Variants in NALCN observed in about 807,000 individuals in gnomAD.
NALCN encodes the protein sodium leak channel NALCN.
NALCN carries 111 observed loss-of-function variants against 225.3 expected under a neutral mutation model. That is an observed-to-expected ratio of 0.49 (90% CI 0.42 to 0.58). The LOEUF (loss-of-function observed/expected upper bound fraction) is 0.58. Ranked by LOEUF, NALCN falls within the 20% of genes least tolerant of loss-of-function variation. The pLI, the probability that NALCN is intolerant of heterozygous loss-of-function variation, is 0.00. For synonymous variants in NALCN, 764 were observed against 769.0 expected, an observed-to-expected ratio of 0.99 and a Z score of 0.11; for missense variants, 1,378 against 2,202.4, an observed-to-expected ratio of 0.63 and a Z score of 7.49.
intron 13 of NALCN, among the ~76,000 whole-genome samples, chr13:101,213,774 C>A (rs184987984): frequency 6.6e-6 from 1 of 152,228 alleles, no homozygotes; most frequent in African/African-American, 2.4e-5. Context: ...GAATGGCGAT[C>A]ATTAAAAAGT....
intron 6 of NALCN, among the ~76,000 whole-genome samples, chr13:101,373,904 C>T (rs2139409554): frequency 6.6e-6 from 1 of 151,974 alleles, no homozygotes; most frequent in African/African-American, 2.4e-5. Flanking sequence ...GAAATAGTTC[C>T]CTCAAGACAT....
intron 13 of NALCN, among the ~76,000 whole-genome samples, chr13:101,209,878 T>C (rs2040455891): frequency 6.6e-6 from 1 of 152,224 alleles, no homozygotes; most frequent in South Asian, 2.1e-4. Context: ...GCATTCTTTA[T>C]TGCCAACTTT....
intron 10 of NALCN, among the ~76,000 whole-genome samples, chr13:101,264,851 T>G: frequency 6.6e-6 from 1 of 152,202 alleles, no homozygotes; most frequent in East Asian, 1.9e-4. Context: ...ACTAAATCTG[T>G]TTGGCTTCAT....
intron 6 of NALCN, among the ~76,000 whole-genome samples, chr13:101,376,156 T>G (rs1181734000): frequency 6.6e-6 from 1 of 152,146 alleles, no homozygotes; most frequent in Non-Finnish European, 1.5e-5. Context: ...AAAATGAGCT[T>G]TTTTTCCCGA....
At chr13:101,058,658 C>CT (rs11353820) in intron 42 of NALCN, 43,156 of 138,652 alleles carry the variant, frequency 0.31, 7,171 homozygotes, top group South Asian at 0.44. Flanking sequence ...CTTTAGTATC[C>CT]TTTTTTTTTT....
chr13:101,161,603 G>A (rs1389975772), intron 15 of NALCN, among the ~76,000 whole-genome samples: 2 of 152,352 alleles, frequency 1.3e-5, no homozygotes, highest in Non-Finnish European at 2.9e-5. Context: ...CTGGTATGGT[G>A]GCTCATGCCT....
intron 11 of NALCN, among the ~76,000 whole-genome samples, chr13:101,247,677 T>C (rs2041938672): frequency 6.6e-6 from 1 of 152,148 alleles, no homozygotes; most frequent in South Asian, 2.1e-4. Flanking sequence ...AGTTCCAGGA[T>C]ATATGTGCAG....
At chr13:101,401,923 T>G (rs566969869) in intron 1 of NALCN, among the ~76,000 whole-genome samples, 1 of 152,180 alleles carries the variant, frequency 6.6e-6, no homozygotes, top group African/African-American at 2.4e-5. Context: ...TACAAACACA[T>G]GAGGAATTCA....
chr13:101,400,813 C>T (rs2047455731), intron 1 of NALCN, among the ~76,000 whole-genome samples: 1 of 152,060 alleles, frequency 6.6e-6, no homozygotes, highest in Non-Finnish European at 1.5e-5. Context: ...CCCACAATCC[C>T]CACGTGTGGA....
intron 20 of NALCN, among the ~76,000 whole-genome samples, chr13:101,110,011 A>C (rs9557590): frequency 0.18 from 27,959 of 152,162 alleles, 2,752 homozygotes; most frequent in South Asian, 0.35. Context: ...CTATTCTAAA[A>C]TTTAAGCTCC....
At chr13:101,278,072 TC>T (rs1315075509) in intron 10 of NALCN, among the ~76,000 whole-genome samples, 1 of 152,206 alleles carries the variant, frequency 6.6e-6, no homozygotes, top group East Asian at 1.9e-4. Context: ...AATCAACAGT[TC>T]CCAGTAGTTA....
chr13:101,365,628 A>G (rs1386295842), intron 6 of NALCN, among the ~76,000 whole-genome samples: 1 of 152,186 alleles, frequency 6.6e-6, no homozygotes, highest in Non-Finnish European at 1.5e-5. Context: ...ATATTTTATA[A>G]AATACCAAGT....
intron 13 of NALCN, among the ~76,000 whole-genome samples, chr13:101,228,029 T>A (rs377166480): frequency 2.6e-5 from 4 of 152,168 alleles, no homozygotes; most frequent in African/African-American, 9.7e-5. Flanking sequence ...GCACCTGGTG[T>A]CTGCCTTCAT....
At chr13:101,350,123 C>T (rs1297147036) in intron 6 of NALCN, among the ~76,000 whole-genome samples, 1 of 152,170 alleles carries the variant, frequency 6.6e-6, no homozygotes, top group African/African-American at 2.4e-5. Flanking sequence ...CACTCTTAGC[C>T]TTTCTGATAC....
chr13:101,324,325 G>T (rs530095884), intron 7 of NALCN, among the ~76,000 whole-genome samples: 85 of 152,292 alleles, frequency 5.6e-4, no homozygotes, highest in Non-Finnish European at 8.8e-4. Context: ...GTGGGTTTCT[G>T]TTTTGTAAAA....
At chr13:101,400,564 T>C (rs1594786478) in intron 1 of NALCN, among the ~76,000 whole-genome samples, 1 of 130,410 alleles carries the variant, frequency 7.7e-6, no homozygotes, top group South Asian at 2.4e-4. Context: ...TGTGTGTGTG[T>C]GTGTGTGTGT....
At chr13:101,138,266 T>C (rs987707767) in intron 17 of NALCN, among the ~76,000 whole-genome samples, 5 of 152,190 alleles carry the variant, frequency 3.3e-5, no homozygotes, top group Non-Finnish European at 7.3e-5. Context: ...GCTCTATAAG[T>C]GCTTGTTGAA....
chr13:101,350,794 G>A (rs545415035), intron 6 of NALCN, among the ~76,000 whole-genome samples: 2 of 152,238 alleles, frequency 1.3e-5, no homozygotes, highest in African/African-American at 4.8e-5. Context: ...CTTATTAATA[G>A]GAAAGATTTT....
rs541389846 is a variant in NALCN at position 101,301,764 on chromosome 13, G to A, written c.800-9398C>T. On this transcript the variant is annotated intron_variant, in intron 7 of 43. Transcript: ENST00000251127. The stretch of plus-strand genomic sequence containing the variant: ...AAGAAAAAAAAAAACAAAACCCTAC[G>A]CTTTGCCACAGTTAGCTGTCATTTA... Among the ~76,000 whole-genome samples the A allele has an allele frequency of 2.3e-4, 35 of 150,664 alleles. No homozygotes were observed. The East Asian group carries it at 2.3e-3, about 10-fold the overall frequency.
Sources: gnomAD v4.1 joint callset for allele counts (sites outside exome capture counted in the v4.1 genomes callset) on GRCh38, gnomAD v4.1.1 for gene constraint, MANE v1.5 for transcripts, NCBI Gene and HGNC (gene_info 2026-07-23, HGNC 2026-07-21) for gene names.